NALCN: variants seen among roughly 807,000 people sequenced by gnomAD.
The protein encoded by NALCN is sodium leak channel NALCN.
In NALCN, 111 loss-of-function variants were observed where a neutral mutation model predicts 225.3. That is an observed-to-expected ratio of 0.49 (90% CI 0.42 to 0.58). The LOEUF (loss-of-function observed/expected upper bound fraction) is 0.58, where lower values mean the gene tolerates loss of function less well. Among genes scored for constraint, NALCN ranks in the 20% least tolerant of loss-of-function variants. The probability of loss-of-function intolerance (pLI) is 0.00; values close to 1 mark genes in which losing one functional copy is unlikely to be tolerated. For synonymous variants in NALCN, 764 were observed against 769.0 expected (o/e 0.99, Z 0.11); for missense variants, 1,378 against 2,202.4 (o/e 0.63, Z 7.49).
intron 10 of NALCN, among the ~76,000 whole-genome samples, chr13:101,270,266 A>G (rs1381837197): frequency 6.6e-6 from 1 of 151,980 alleles, no homozygotes; most frequent in Non-Finnish European, 1.5e-5. Flanking sequence ...GTCAGGAAGG[A>G]CTACAATAGG....
intron 3 of NALCN, among the ~76,000 whole-genome samples, chr13:101,378,874 T>C (rs540735469): frequency 6.6e-6 from 1 of 151,542 alleles, no homozygotes; most frequent in African/African-American, 2.4e-5. Flanking sequence ...AAATATTTAA[T>C]TCATGCAAAG....
At chr13:101,388,050 G>A (rs1293251954) in intron 3 of NALCN, among the ~76,000 whole-genome samples, 1 of 152,012 alleles carries the variant, frequency 6.6e-6, no homozygotes, top group African/African-American at 2.4e-5. Context: ...GAAGTCTGTA[G>A]TATAAAAATA....
intron 3 of NALCN, among the ~76,000 whole-genome samples, chr13:101,379,964 T>C (rs1451677841): frequency 1.3e-5 from 2 of 151,232 alleles, no homozygotes; most frequent in Non-Finnish European, 2.9e-5. Context: ...CATAATAATA[T>C]TGGGAGATTT....
intron 43 of NALCN, among the ~76,000 whole-genome samples, chr13:101,056,246 CTTTTTTTTTTT>C (rs34583741): frequency 1.9e-3 from 89 of 45,854 alleles, no homozygotes; most frequent in Non-Finnish European, 2.3e-3. Context: ...AGTGGAAGTA[CTTTTTTTTTTT>C]TTTTTTTTTT....
rs114434768 is a variant in NALCN, at chr13:101,085,818, T to C, written c.3490-2014A>G. Reference sequence around the variant, plus strand: ...TTGAAGTCTTTAATTCATCTGGAATTCATTTTTGAGTATGCAGTGAGGTAG... The same window carrying C: ...TTGAAGTCTTTAATTCATCTGGAATCCATTTTTGAGTATGCAGTGAGGTAG... On this transcript the variant is annotated intron_variant, in intron 30 of 43. Transcript: ENST00000251127. 6.4e-3 allele frequency among the ~76,000 whole-genome samples: 969 copies of C among 152,294 alleles called. 14 individuals carry two copies. Among genetic ancestry groups the C allele is most frequent in the African/African-American group, 0.022 (921 of 41,576 alleles).
chr13:101,115,321 G>A (rs906826966), intron 18 of NALCN, among the ~76,000 whole-genome samples: 2 of 152,100 alleles, frequency 1.3e-5, no homozygotes, highest in African/African-American at 2.4e-5. Flanking sequence ...TATGTTGTAT[G>A]TGAAAGCTAT....
At position 101,058,074 on chromosome 13, in the gene NALCN, C is replaced by T. The variant is rs1000727032; in HGVS notation, c.4906-18G>A. 2 of 1,602,890 alleles carry T rather than the reference C, an allele frequency of 1.2e-6. No individual in the cohort carries two copies. Among genetic ancestry groups the T allele is most frequent in the East Asian group, 2.2e-5 (1 of 44,806 alleles). On this transcript the variant is annotated intron_variant, in intron 42 of 43. Transcript: ENST00000251127. ...CTGCTTGTCTGCATGGGAGGAGAAG[C>T]ACACAGTTACCGTCTTTTTAACCCT...
Position 101,074,679 on chromosome 13 carries a change from G to A in NALCN, c.3955-17C>T. ...TAGCGTTACCTGGGGACCAGGGGTG[G>A]GAAGCGGGGAGACAGAGAGAGAGAG... On this transcript the variant is annotated splice_polypyrimidine_tract_variant and intron_variant, in intron 35 of 43. Transcript: ENST00000251127. 1 of 1,592,172 alleles carries A rather than the reference G, an allele frequency of 6.3e-7. No individual in the cohort carries two copies. Among genetic ancestry groups the A allele is most frequent in the Non-Finnish European group, 8.5e-7 (1 of 1,172,994 alleles).
intron 7 of NALCN, among the ~76,000 whole-genome samples, chr13:101,299,647 C>A (rs1464802878): frequency 6.6e-6 from 1 of 152,160 alleles, no homozygotes; most frequent in Admixed American, 6.5e-5. Flanking sequence ...TAAGCAGCAG[C>A]CACCAGATTA....
chr13:101,362,063 T>C (rs56118398), intron 6 of NALCN, among the ~76,000 whole-genome samples: 7,338 of 151,982 alleles, frequency 0.048, 587 homozygotes, highest in African/African-American at 0.17. Flanking sequence ...GTGGTTCACA[T>C]CTTGGAGATC....
At chr13:101,240,345 C>T (rs2041712944) in intron 11 of NALCN, among the ~76,000 whole-genome samples, 2 of 151,320 alleles carry the variant, frequency 1.3e-5, no homozygotes, top group African/African-American at 4.9e-5. Flanking sequence ...TTCTTTCTCT[C>T]TCTCTCTCTC....
At chr13:101,413,311 T>C (rs961071006) in intron 1 of NALCN, among the ~76,000 whole-genome samples, 1 of 151,952 alleles carries the variant, frequency 6.6e-6, no homozygotes, top group African/African-American at 2.4e-5. Flanking sequence ...TATGGAAAAA[T>C]AGGTGACAGA....
At chr13:101,293,084 T>A (rs2043610997) in intron 7 of NALCN, among the ~76,000 whole-genome samples, 1 of 152,166 alleles carries the variant, frequency 6.6e-6, no homozygotes. Flanking sequence ...CTATAAGATG[T>A]TTTACAGACA....
Position 101,104,490 on chromosome 13 carries a change from T to G in NALCN, c.2757+40A>C. The G allele has an allele frequency of 6.2e-7, 1 of 1,613,518 alleles. No homozygotes were observed. Among genetic ancestry groups the G allele is most frequent in the South Asian group, 1.1e-5 (1 of 91,028 alleles). On this transcript the variant is annotated intron_variant, in intron 24 of 43. Transcript: ENST00000251127. The surrounding 1 kb of genome is among the most constrained non-coding windows in gnomAD (Gnocchi z 4.2). ...AAAAACAGCAGGTCAGTATTTTACC[T>G]CCTAGTTGTAAGCTGAGATTTTGCA... is the stretch of plus-strand genomic sequence containing the variant.
At chr13:101,339,387 G>A (rs1285627105) in intron 7 of NALCN, among the ~76,000 whole-genome samples, 2 of 152,296 alleles carry the variant, frequency 1.3e-5, no homozygotes, top group East Asian at 1.9e-4. Context: ...TATCTTGAGT[G>A]CACGGGCTAA....
At chr13:101,392,444 A>G (rs570171779) in intron 3 of NALCN, among the ~76,000 whole-genome samples, 1 of 152,370 alleles carries the variant, frequency 6.6e-6, no homozygotes, top group East Asian at 1.9e-4. Context: ...AACATTTGAC[A>G]AATTAAAAAG....
chr13:101,330,452 G>A (rs572275473), intron 7 of NALCN, among the ~76,000 whole-genome samples: 1 of 152,104 alleles, frequency 6.6e-6, no homozygotes, highest in Admixed American at 6.6e-5. Flanking sequence ...ACAAAGGATT[G>A]TTCTGCATTT....
rs1222608354 is a variant in NALCN at position 101,143,198 on chromosome 13, A to G, written c.2000T>C (p.Ile667Thr). 1 of 1,611,000 alleles carries G rather than the reference A, an allele frequency of 6.2e-7. No individual in the cohort carries two copies. The highest frequency in any genetic ancestry group is 2.2e-5 in the East Asian group (1 of 44,818). The change falls in exon 17 of 44, where the codon ATT (isoleucine) becomes ACT (threonine). Residue 667 changes from isoleucine to threonine, a missense_variant. Transcript: ENST00000251127. ...ACATGTGTCCTGTTGCTGGCGGTCA[A>G]TAAACTGCTTCATAAAACTCTCCCT... ...KIRESFMKQF[I>T]DRQQQDTCCL...
At chr13:101,116,313 C>CAT (rs72172114) in intron 18 of NALCN, 25,635 of 153,158 alleles carry the variant, frequency 0.17, 3,058 homozygotes, top group African/African-American at 0.37. Flanking sequence ...ATATGACAGC[C>CAT]ATATATATAT....
Sources: gnomAD v4.1 joint callset for allele counts (sites outside exome capture counted in the v4.1 genomes callset) on GRCh38, gnomAD v4.1.1 for gene constraint, Gnocchi (gnomAD v3.1) non-coding constraint, MANE v1.5 for transcripts, NCBI Gene and HGNC (gene_info 2026-07-23, HGNC 2026-07-21) for gene names.